POTEH: variants seen among roughly 807,000 people sequenced by gnomAD.
POTEH encodes POTE ankyrin domain family member H.
In POTEH, 6 loss-of-function variants were observed where a neutral mutation model predicts 41.7. That is an observed-to-expected ratio of 0.14 (90% confidence interval 0.08 to 0.28). The LOEUF (loss-of-function observed/expected upper bound fraction) is 0.28. Ranked by LOEUF, POTEH falls within the 10% of genes least tolerant of loss-of-function variation. POTEH has a pLI of 1.00. For missense variants in POTEH, 115 were observed against 533.5 expected (o/e 0.22, Z 7.73); for synonymous variants, 38 against 179.9 (o/e 0.21, Z 6.31).
intron 1 of POTEH, among the ~76,000 whole-genome samples, chr22:15,691,203 G>C (rs1376938376): frequency 7.1e-6 from 1 of 140,192 alleles, no homozygotes; most frequent in African/African-American, 2.6e-5. Context: ...TCTTGTGCTT[G>C]AATAGGAAGA....
At chr22:15,713,456 G>T (rs1989861766) in intron 9 of POTEH, among the ~76,000 whole-genome samples, 1 of 152,284 alleles carries the variant, frequency 6.6e-6, no homozygotes, top group African/African-American at 2.4e-5. Context: ...TCTCCTTTTG[G>T]ACATTGCTGT....
intron 9 of POTEH, among the ~76,000 whole-genome samples, chr22:15,711,709 A>G (rs1182845303): frequency 6.6e-6 from 1 of 151,316 alleles, no homozygotes; most frequent in Non-Finnish European, 1.5e-5. Flanking sequence ...ATTTGTGTAG[A>G]TATGTTACAT....
chr22:15,691,259 C>G (rs529526173), intron 1 of POTEH, among the ~76,000 whole-genome samples: 17 of 140,814 alleles, frequency 1.2e-4, no homozygotes, highest in African/African-American at 4.3e-4. Context: ...CGTGGTGGCT[C>G]ACACCTGTAA....
At position 15,693,092 on chromosome 22, in the gene POTEH, A is replaced by G. The variant is rs1989365139; in HGVS notation, c.633-2279A>G. 1.6e-5 allele frequency among the ~76,000 whole-genome samples: 2 copies of G among 127,296 alleles called. 1 individual carries two copies. The highest frequency in any genetic ancestry group is 1.6e-4 in the Admixed American group (2 of 12,480). 83.5% of individuals were successfully genotyped at this position (127,296 alleles called of 152,430 possible). A position where few individuals can be genotyped will look rare whatever the true frequency, so the allele number is the denominator to read the frequency against. On this transcript the variant is annotated intron_variant, in intron 1 of 10. Coordinates refer to ENST00000343518, the MANE Select transcript of POTEH (RefSeq NM_001136213.1). ...TGTCAGTACATAGAGATATGTCGACATGCAAAGATGTACCTTGCTATAGCA... is the reference window on the plus strand; with the variant it reads ...TGTCAGTACATAGAGATATGTCGACGTGCAAAGATGTACCTTGCTATAGCA...
intron 6 of POTEH, among the ~76,000 whole-genome samples, chr22:15,705,353 C>CTTTTTTTTTTTTTTTTTTTTTTTGTT (rs377062560): frequency 7.0e-5 from 1 of 14,290 alleles, no homozygotes; most frequent in African/African-American, 2.6e-4. Flanking sequence ...ATATGTTGGC[C>CTTTTTTTTTTTTTTTTTTTTTTTGTT]TTTTTTTTTT....
chr22:15,693,205 C>G (rs1989368925), intron 1 of POTEH, among the ~76,000 whole-genome samples: 1 of 145,164 alleles, frequency 6.9e-6, no homozygotes, highest in African/African-American at 2.5e-5. Flanking sequence ...TATAATCAAA[C>G]TTGTTTCTGG....
intron 6 of POTEH, among the ~76,000 whole-genome samples, chr22:15,705,344 T>A: frequency 1.5e-5 from 1 of 66,880 alleles, no homozygotes; most frequent in South Asian, 7.4e-4. Flanking sequence ...CTCGTTTTAA[T>A]ATGTTGGCCT....
At chr22:15,706,080 A>G (rs1211922716) in intron 6 of POTEH, among the ~76,000 whole-genome samples, 1 of 151,850 alleles carries the variant, frequency 6.6e-6, no homozygotes, top group Admixed American at 6.6e-5. Flanking sequence ...GCTTCGTGTC[A>G]TAGTTCTGAC....
At chr22:15,692,583 A>G (rs1280105020) in intron 1 of POTEH, among the ~76,000 whole-genome samples, 6 of 112,122 alleles carry the variant, frequency 5.4e-5, no homozygotes, top group East Asian at 2.3e-4. Flanking sequence ...GTGAAATCCT[A>G]TCTCTACTGA....
At chr22:15,699,768 T>C in intron 4 of POTEH, 1 of 300,656 alleles carries the variant, frequency 3.3e-6, no homozygotes, top group East Asian at 8.7e-5. Context: ...TGATGAAATC[T>C]TCACTTAAAT....
chr22:15,692,357 C>T (rs1426094579), intron 1 of POTEH, among the ~76,000 whole-genome samples: 5 of 146,494 alleles, frequency 3.4e-5, no homozygotes, highest in Admixed American at 7.1e-5. Flanking sequence ...TACTTTTTTG[C>T]ATATCTACCA....
intron 6 of POTEH, among the ~76,000 whole-genome samples, chr22:15,703,708 C>T (rs568725010): frequency 6.7e-6 from 1 of 149,616 alleles, no homozygotes; most frequent in East Asian, 2.1e-4. Flanking sequence ...ATAGTCCAAA[C>T]TGTATGAGGA....
Position 15,690,776 on chromosome 22 carries a change from G to T in POTEH, c.632+67G>T, listed in dbSNP as rs1989286748. On this transcript the variant is annotated intron_variant, in intron 1 of 10. Coordinates refer to ENST00000343518, the MANE Select transcript of POTEH (RefSeq NM_001136213.1). ...TGATGGGGACATACCCTCCTGGCCGGGGAGGAGGGGAGCCTGGTTTTCTTG... is the reference window on the plus strand; with the variant it reads ...TGATGGGGACATACCCTCCTGGCCGTGGAGGAGGGGAGCCTGGTTTTCTTG... 1.1e-5 allele frequency: 15 copies of T among 1,389,236 alleles called. 1 individual carries two copies. The highest frequency in any genetic ancestry group is 4.8e-4 in the Middle Eastern group (2 of 4,202). The allele number at this position is 1,389,236 out of a possible 1,614,324, so 86.1% of individuals were successfully genotyped here.
chr22:15,692,411 A>C (rs1014418173), intron 1 of POTEH, among the ~76,000 whole-genome samples: 1 of 147,666 alleles, frequency 6.8e-6, no homozygotes, highest in Admixed American at 7.0e-5. Context: ...TGGTAGAAGA[A>C]GGAATTTAAG....
At chr22:15,710,498 A>T (rs1276544471) in intron 8 of POTEH, among the ~76,000 whole-genome samples, 10 of 152,388 alleles carry the variant, frequency 6.6e-5, no homozygotes, top group Admixed American at 5.9e-4. Context: ...CACATTTTGC[A>T]TCTTTGTCTT....
chr22:15,709,335 G>GA (rs1487459071), intron 7 of POTEH, among the ~76,000 whole-genome samples: 18 of 105,484 alleles, frequency 1.7e-4, no homozygotes, highest in Non-Finnish European at 1.9e-5. Context: ...GGAATCTTTT[G>GA]AAAAAGCACT....
At chr22:15,703,727 A>G (rs1601498959) in intron 6 of POTEH, among the ~76,000 whole-genome samples, 1 of 150,564 alleles carries the variant, frequency 6.6e-6, no homozygotes, top group East Asian at 2.0e-4. Flanking sequence ...GACACCTTTA[A>G]TTTAGCCATC....
At chr22:15,692,081 C>G (rs1173038386) in intron 1 of POTEH, among the ~76,000 whole-genome samples, 1 of 134,712 alleles carries the variant, frequency 7.4e-6, no homozygotes, top group Non-Finnish European at 1.7e-5. Context: ...TCTCAGCTCA[C>G]TGCAACCTCT....
chr22:15,713,864 T>C, intron 9 of POTEH, among the ~76,000 whole-genome samples: 1 of 152,288 alleles, frequency 6.6e-6, no homozygotes, highest in East Asian at 1.9e-4. Flanking sequence ...AACTCAGATC[T>C]CACTCCTTAA....
Sources: gnomAD v4.1 joint callset for allele counts (sites outside exome capture counted in the v4.1 genomes callset) on GRCh38, gnomAD v4.1.1 for gene constraint, MANE v1.5 for transcripts, NCBI Gene and HGNC (gene_info 2026-07-23, HGNC 2026-07-21) for gene names.